Variants in INTS7 observed in about 807,000 individuals in gnomAD.
INTS7 encodes the protein integrator complex subunit 7, also known as chromosome 1 open reading frame 73.
A neutral mutation model predicts 109.2 loss-of-function variants in INTS7; 46 were observed. The observed-to-expected ratio is 0.42, with a 90% CI of 0.33 to 0.54. The LOEUF (loss-of-function observed/expected upper bound fraction) is 0.54, where lower values mean the gene tolerates loss of function less well. INTS7 is among the 20% of genes least tolerant of loss of function. The pLI is 0.07. For synonymous variants in INTS7, 412 were observed against 402.9 expected, an observed-to-expected ratio of 1.02 and a Z score of -0.27; for missense variants, 929 against 1,132.4, an observed-to-expected ratio of 0.82 and a Z score of 2.58.
At chr1:211,973,780 T>C (rs1416992432) in intron 13 of INTS7, among the ~76,000 whole-genome samples, 1 of 152,258 alleles carries the variant, frequency 6.6e-6, no homozygotes, top group African/African-American at 2.4e-5. Flanking sequence ...AATTATTTCC[T>C]GTTTTTCTTA....
At chr1:211,956,779 T>C (rs1467408767) in intron 16 of INTS7, among the ~76,000 whole-genome samples, 1 of 152,214 alleles carries the variant, frequency 6.6e-6, no homozygotes, top group African/African-American at 2.4e-5. Context: ...TTCATCTTTA[T>C]TACTTAGTAT....
chr1:211,982,839 T>C (rs1468572940), intron 8 of INTS7, 29 bp from the exon 9 acceptor site: 2 of 1,574,272 alleles, frequency 1.3e-6, no homozygotes, highest in Admixed American at 3.5e-5. Flanking sequence ...GTAGTAGAAA[T>C]TGTAATTCAA....
At chr1:211,988,031 G>A (rs1437572006) in intron 7 of INTS7, 28 bp from the exon 8 acceptor site, 1 of 1,202,012 alleles carries the variant, frequency 8.3e-7, no homozygotes, top group Non-Finnish European at 1.2e-6. Flanking sequence ...AATGAATATA[G>A]AAGTTAAAAC....
Position 211,986,829 on chromosome 1 carries a change from C to T in INTS7, c.997+1057G>A, listed in dbSNP as rs1313699204. On this transcript the variant is annotated intron_variant, in intron 8 of 19. Transcript: ENST00000366994. ...GAAGGGAGGTGTGACAACGGAGTAT[C>T]AGGTCTTTTTAGCTTCCTATTAAGA... Among the ~76,000 whole-genome samples, 4 of 152,128 alleles carry T rather than the reference C, an allele frequency of 2.6e-5. 1 individual carries two copies. Among genetic ancestry groups the T allele is most frequent in the African/African-American group, 9.7e-5 (4 of 41,402 alleles).
At chr1:211,976,458 AC>A (rs1664425346) in intron 12 of INTS7, 123 bp downstream of exon 12, 2 of 815,610 alleles carry the variant, frequency 2.5e-6, no homozygotes, top group South Asian at 4.9e-5. Context: ...CATCTTCAGA[AC>A]CCATGACTAA....
intron 19 of INTS7, 46 bp downstream of exon 19, chr1:211,944,738 G>T: frequency 6.8e-7 from 1 of 1,463,488 alleles, no homozygotes; most frequent in Non-Finnish European, 9.6e-7. Flanking sequence ...CCATCAATGA[G>T]CTCATATAAA....
intron 4 of INTS7, among the ~76,000 whole-genome samples, chr1:212,016,579 G>C (rs570404963): frequency 6.6e-6 from 1 of 152,286 alleles, no homozygotes; most frequent in Non-Finnish European, 1.5e-5. Context: ...ATATGTCTGG[G>C]AGAAGCTCCT....
chr1:211,973,690 A>G (rs1272969356), intron 13 of INTS7, among the ~76,000 whole-genome samples: 1 of 152,244 alleles, frequency 6.6e-6, no homozygotes, highest in African/African-American at 2.4e-5. Context: ...GAGAGTATAC[A>G]GTACAATCAG....
At chr1:212,012,574 T>C (rs1187217847) in intron 4 of INTS7, among the ~76,000 whole-genome samples, 4 of 152,210 alleles carry the variant, frequency 2.6e-5, no homozygotes, top group Non-Finnish European at 2.9e-5. Flanking sequence ...TGAGCCATGA[T>C]TGCGCCACTG....
intron 16 of INTS7, among the ~76,000 whole-genome samples, chr1:211,952,980 A>G (rs1663171559): frequency 1.3e-5 from 2 of 152,214 alleles, no homozygotes; most frequent in African/African-American, 2.4e-5. Flanking sequence ...TTACTGCCAC[A>G]GGTGAAAGAG....
intron 4 of INTS7, among the ~76,000 whole-genome samples, chr1:212,013,498 AG>A (rs1666256427): frequency 6.6e-6 from 1 of 152,222 alleles, no homozygotes; most frequent in South Asian, 2.1e-4. Flanking sequence ...TTATTGTTGA[AG>A]GAAGAAAAAC....
At chr1:212,023,892 T>C (rs1425089560) in intron 1 of INTS7, among the ~76,000 whole-genome samples, 6 of 152,168 alleles carry the variant, frequency 3.9e-5, no homozygotes, top group Admixed American at 6.5e-5. Flanking sequence ...TTTTTGTATA[T>C]GGTGAAAGGT....
At chr1:211,978,227 A>G (rs1297831333) in intron 11 of INTS7, 45 bp downstream of exon 11, 3 of 1,608,214 alleles carry the variant, frequency 1.9e-6, no homozygotes, top group Non-Finnish European at 2.6e-6. Flanking sequence ...TTCCCACTAG[A>G]CCAGATCCTA....
intron 16 of INTS7, among the ~76,000 whole-genome samples, chr1:211,953,889 GATTT>G (rs2102390837): frequency 6.6e-6 from 1 of 152,264 alleles, no homozygotes; most frequent in Admixed American, 6.5e-5. Context: ...ATAGCAGCAT[GATTT>G]ATAATCCTTA....
chr1:211,996,136 T>C (rs1665374586), intron 7 of INTS7, among the ~76,000 whole-genome samples: 1 of 152,136 alleles, frequency 6.6e-6, no homozygotes. Flanking sequence ...AAAATATGTC[T>C]TCTGGCCGGA....
At chr1:212,009,056 C>T (rs562789501) in intron 5 of INTS7, among the ~76,000 whole-genome samples, 4 of 152,250 alleles carry the variant, frequency 2.6e-5, no homozygotes, top group Non-Finnish European at 5.9e-5. Flanking sequence ...TGTTTACAGG[C>T]ATCTTTACTA....
chr1:212,023,852 T>G (rs116463477), intron 1 of INTS7, among the ~76,000 whole-genome samples: 1 of 152,148 alleles, frequency 6.6e-6, no homozygotes, highest in Non-Finnish European at 1.5e-5. Flanking sequence ...GAGTTTGAGG[T>G]CTTACATTTG....
chr1:211,988,052 T>C (rs1291483760), intron 7 of INTS7, 49 bp from the exon 8 acceptor site: 4 of 884,458 alleles, frequency 4.5e-6, no homozygotes, highest in Non-Finnish European at 7.3e-6. Context: ...ATCAATATAC[T>C]TCTAAACTGT....
At chr1:211,968,729 GAT>G in intron 13 of INTS7, 22 bp from the exon 14 acceptor site, 1 of 1,517,272 alleles carries the variant, frequency 6.6e-7, no homozygotes, top group South Asian at 1.2e-5. Context: ...AAAAAAAAGA[GAT>G]ATTTAAGACA....
Sources: gnomAD v4.1 joint callset for allele counts (sites outside exome capture counted in the v4.1 genomes callset) on GRCh38, gnomAD v4.1.1 for gene constraint, MANE v1.5 for transcripts, NCBI Gene and HGNC (gene_info 2026-07-23, HGNC 2026-07-21) for gene names.